The following DCDC2C variants were observed in gnomAD, a reference collection of about 807,000 sequenced individuals.
DCDC2C encodes doublecortin domain-containing protein 2C.
A neutral mutation model predicts 45.0 loss-of-function variants in DCDC2C; 44 were observed. The observed-to-expected ratio is 0.98, with a 90% confidence interval of 0.77 to 1.26. The LOEUF (loss-of-function observed/expected upper bound fraction) is 1.26, where lower values mean the gene tolerates loss of function less well. Ranked by LOEUF, DCDC2C falls within the 50% of genes most tolerant of loss-of-function variation. The probability of loss-of-function intolerance (pLI) is 0.00; values close to 1 mark genes in which losing one functional copy is unlikely to be tolerated. For missense variants in DCDC2C, 447 were observed against 468.9 expected, an observed-to-expected ratio of 0.95 and a Z score of 0.43; for synonymous variants, 187 against 178.8, an observed-to-expected ratio of 1.05 and a Z score of -0.37.
intron 2 of DCDC2C, among the ~76,000 whole-genome samples, chr2:3,726,376 G>A (rs527388233): frequency 7.1e-4 from 108 of 152,184 alleles, no homozygotes; most frequent in Middle Eastern, 6.8e-3. Flanking sequence ...GTAGGGCCGT[G>A]AGGATGACAG....
At chr2:3,743,252 T>C (rs1572577949) in intron 4 of DCDC2C, among the ~76,000 whole-genome samples, 1 of 152,138 alleles carries the variant, frequency 6.6e-6, no homozygotes, top group South Asian at 2.1e-4. Context: ...CCTAAATATA[T>C]AATATGCAAG....
intron 6 of DCDC2C, among the ~76,000 whole-genome samples, chr2:3,762,306 C>T (rs1669900023): frequency 6.6e-6 from 1 of 151,966 alleles, no homozygotes. Context: ...TGGAAAACCA[C>T]AAGGCATGTG....
chr2:3,711,210 A>G (rs531503986), intron 2 of DCDC2C, among the ~76,000 whole-genome samples: 1 of 152,322 alleles, frequency 6.6e-6, no homozygotes, highest in African/African-American at 2.4e-5. Context: ...AATTAGTTCA[A>G]CCATTGTGGA....
At chr2:3,732,305 C>T (rs1371357337) in intron 3 of DCDC2C, among the ~76,000 whole-genome samples, 2 of 151,998 alleles carry the variant, frequency 1.3e-5, no homozygotes, top group Non-Finnish European at 2.9e-5. Flanking sequence ...CGCTTTGTTC[C>T]ACGGTTGTTG....
At chr2:3,799,219 C>T (rs1443777985) in intron 10 of DCDC2C, among the ~76,000 whole-genome samples, 2 of 152,186 alleles carry the variant, frequency 1.3e-5, no homozygotes, top group East Asian at 1.9e-4. Flanking sequence ...TTTTCAGCTC[C>T]ATCAGCTCCT....
At chr2:3,758,022 G>A (rs528949176) in intron 6 of DCDC2C, among the ~76,000 whole-genome samples, 2 of 152,304 alleles carry the variant, frequency 1.3e-5, no homozygotes, top group African/African-American at 4.8e-5. Flanking sequence ...CCAGATTTAA[G>A]CAAGGGAGTA....
chr2:3,726,832 C>T (rs970062862), intron 2 of DCDC2C, among the ~76,000 whole-genome samples, 171 bp from the exon 3 acceptor site: 5 of 152,190 alleles, frequency 3.3e-5, no homozygotes, highest in Middle Eastern at 6.4e-3. Context: ...CCTCCCCCAG[C>T]ACCTGGTCTG....
At chr2:3,724,883 G>A (rs1668595032) in intron 2 of DCDC2C, among the ~76,000 whole-genome samples, 2 of 152,202 alleles carry the variant, frequency 1.3e-5, no homozygotes, top group Admixed American at 1.3e-4. Context: ...GCAGAGCTGG[G>A]AAGTGAGGGA....
chr2:3,812,041 C>CT (rs34972894), intron 10 of DCDC2C, among the ~76,000 whole-genome samples: 31,717 of 151,844 alleles, frequency 0.21, 3,810 homozygotes, highest in African/African-American at 0.33. Context: ...CTGAAGTTTT[C>CT]TTTTTTTGTT....
Position 3,792,020 on chromosome 2 carries a change from A to G in DCDC2C, c.1065+6920A>G, listed in dbSNP as rs79484311. 1.8e-4 allele frequency among the ~76,000 whole-genome samples: 28 copies of G among 152,304 alleles called. No homozygotes were observed. In the East Asian group the frequency reaches 5.0e-3, roughly 27 times the overall value. ...TTTTTTAATTCACCAGTTATCCACA[A>G]TATTATCTGTTACAGAAAATTGGTT... On this transcript the variant is annotated intron_variant, in intron 10 of 10. Transcript: ENST00000399143.
At chr2:3,847,120 G>A (rs1006953365) in intron 10 of DCDC2C, 34 bp from the exon 11 acceptor site, 4 of 1,210,872 alleles carry the variant, frequency 3.3e-6, no homozygotes, top group Non-Finnish European at 4.1e-6. Flanking sequence ...GCTTGAAGAT[G>A]TTCTCTGTTA....
At chr2:3,793,600 A>T (rs1670881594) in intron 10 of DCDC2C, among the ~76,000 whole-genome samples, 1 of 152,230 alleles carries the variant, frequency 6.6e-6, no homozygotes, top group Non-Finnish European at 1.5e-5. Flanking sequence ...GGGGAAATGG[A>T]AGTGTCTCTT....
At chr2:3,726,851 T>C (rs908069732) in intron 2 of DCDC2C, among the ~76,000 whole-genome samples, 152 bp from the exon 3 acceptor site, 1 of 152,166 alleles carries the variant, frequency 6.6e-6, no homozygotes, top group African/African-American at 2.4e-5. Context: ...TGCCTCTCTC[T>C]GCATCCTTCC....
chr2:3,707,809 C>T (rs1016486482), intron 1 of DCDC2C, among the ~76,000 whole-genome samples: 1 of 152,198 alleles, frequency 6.6e-6, no homozygotes, highest in Non-Finnish European at 1.5e-5. Context: ...TTATTGAACA[C>T]TTAGTTATTT....
chr2:3,757,193 T>C (rs1019816120), intron 6 of DCDC2C, among the ~76,000 whole-genome samples: 1 of 152,246 alleles, frequency 6.6e-6, no homozygotes, highest in African/African-American at 2.4e-5. Context: ...TAAATGTGTT[T>C]GTTTCTTTAC....
At chr2:3,763,941 G>A (rs1669951957) in intron 6 of DCDC2C, among the ~76,000 whole-genome samples, 1 of 152,244 alleles carries the variant, frequency 6.6e-6, no homozygotes, top group South Asian at 2.1e-4. Context: ...CTCAGTGACT[G>A]TTGAGGATGC....
intron 10 of DCDC2C, among the ~76,000 whole-genome samples, chr2:3,802,766 A>C (rs186997628): frequency 6.6e-6 from 1 of 152,296 alleles, no homozygotes; most frequent in African/African-American, 2.4e-5. Flanking sequence ...GGAGAAGACG[A>C]ACTGTTAGAT....
At chr2:3,829,972 AGT>A (rs1339778048) in intron 10 of DCDC2C, among the ~76,000 whole-genome samples, 2 of 152,224 alleles carry the variant, frequency 1.3e-5, no homozygotes, top group Non-Finnish European at 2.9e-5. Flanking sequence ...GTGGAATGGA[AGT>A]GGCTGCCCTC....
chr2:3,716,204 A>G (rs540120542), intron 2 of DCDC2C, among the ~76,000 whole-genome samples: 2 of 152,292 alleles, frequency 1.3e-5, no homozygotes, highest in South Asian at 4.1e-4. Flanking sequence ...GCTGGGAGTC[A>G]GTGTGGGCAG....
Sources: allele counts gnomAD v4.1 joint callset (sites outside exome capture counted in the v4.1 genomes callset), GRCh38; gene constraint gnomAD v4.1.1; transcripts MANE v1.5; gene names NCBI Gene and HGNC (gene_info 2026-07-23, HGNC 2026-07-21).